Variants in PFKM observed in about 807,000 individuals in gnomAD.
PFKM encodes the protein phosphofructokinase, muscle.
PFKM carries 58 observed loss-of-function variants against 95.5 expected under a neutral mutation model. The ratio of observed to expected loss-of-function variants is 0.61; its 90% CI spans 0.49 to 0.76. The LOEUF is 0.76. Ranked by LOEUF, PFKM falls within the 30% of genes least tolerant of loss-of-function variation. PFKM has a pLI of 0.00. For synonymous variants in PFKM, 336 were observed against 357.2 expected, an observed-to-expected ratio of 0.94 and a Z score of 0.67; for missense variants, 678 against 1,005.4, an observed-to-expected ratio of 0.67 and a Z score of 4.40.
rs1948419632 is a variant in PFKM, at chr12:48,122,823, G to C, written c.49G>C (p.Ala17Pro). The change falls in exon 2 of 23, where the codon GCC becomes CCC. Residue 17 changes from alanine to proline, a missense_variant. By Grantham distance (27) the Ala-to-Pro change is conservative. Coordinates refer to ENST00000359794, the MANE Select transcript of PFKM (RefSeq NM_000289.6). The stretch of plus-strand genomic sequence containing the variant: ...AGCCAAAACCCTGGGGATTGGCAAA[G>C]CCATTGCTGTCTTAACCTCTGGTGG... ...HAAKTLGIGK[A>P]IAVLTSGGDA... The C allele has an allele frequency of 6.2e-7, 1 of 1,614,042 alleles. No homozygotes were observed.
intron 8 of PFKM, 30 bp from the exon 9 acceptor site, chr12:48,134,913 T>G: frequency 6.2e-7 from 1 of 1,603,278 alleles, no homozygotes; most frequent in South Asian, 1.1e-5. Flanking sequence ...CTTCATTCCA[T>G]GGACCATTTT....
At chr12:48,135,836 T>C (rs1271625341) in intron 10 of PFKM, among the ~76,000 whole-genome samples, 1 of 152,132 alleles carries the variant, frequency 6.6e-6, no homozygotes, top group African/African-American at 2.4e-5. Flanking sequence ...TATCTCATGT[T>C]GTCCTTTTAT....
intron 3 of PFKM, among the ~76,000 whole-genome samples, chr12:48,112,265 A>G (rs1189876561): frequency 6.6e-6 from 1 of 152,194 alleles, no homozygotes; most frequent in Non-Finnish European, 1.5e-5. Context: ...AGTTTATATA[A>G]TGGTTTAGTC....
rs1003961202 is a variant in PFKM at position 48,119,401 on chromosome 12, T to C, written c.-14T>C. ...AGCAGCGGCGGAGGAGAGCTAAGAC[T>C]AAAAGGCAAGAGGGGCCATTGAGTG... On this transcript the variant is annotated 5_prime_UTR_variant, in exon 1 of 23. Transcript: ENST00000359794. 3.0e-6 allele frequency: 3 copies of C among 985,576 alleles called. No individual in the cohort carries two copies. In the African/African-American group the frequency reaches 5.3e-5, roughly 17 times the overall value. 61.1% of individuals were successfully genotyped at this position (985,576 alleles called of 1,614,324 possible).
At chr12:48,114,423 C>T (rs191185239), upstream of PFKM, among the ~76,000 whole-genome samples, 44 of 152,212 alleles carry the variant, frequency 2.9e-4, 1 homozygote, top group Admixed American at 1.3e-3. Context: ...TGGGGGAGAG[C>T]TAGTCCTAGG....
At chr12:48,119,950 CTT>C (rs1338938323) in intron 1 of PFKM, 2 of 152,108 alleles carry the variant, frequency 1.3e-5, no homozygotes, top group African/African-American at 4.8e-5. Context: ...TTAAACTCCT[CTT>C]GTTATGGCGA....
At position 48,134,876 on chromosome 12, in the gene PFKM, A is replaced by G. The variant is rs1488111830; in HGVS notation, c.747+47A>G. On this transcript the variant is annotated intron_variant, in intron 8 of 22. Coordinates refer to ENST00000359794, the MANE Select transcript of PFKM (RefSeq NM_000289.6). ...CTTAAGAAATCCCTCACCCTGTTCC[A>G]CTGATGATCTCTTTCCCACCCATCA... The G allele has an allele frequency of 4.4e-6, 7 of 1,585,978 alleles. No individual in the cohort carries two copies. The African/African-American group carries it at 9.4e-5, about 21-fold the overall frequency.
chr12:48,110,435 G>C (rs1303869794), intron 3 of PFKM, among the ~76,000 whole-genome samples: 3 of 152,116 alleles, frequency 2.0e-5, no homozygotes, highest in Admixed American at 6.5e-5. Flanking sequence ...GAGGTACGAG[G>C]GTAGTTATCT....
At position 48,141,382 on chromosome 12, in the gene PFKM, G is replaced by A. The variant is rs1950563032; in HGVS notation, c.1412+1G>A. 1 of 1,613,602 alleles carries A rather than the reference G, an allele frequency of 6.2e-7. No homozygotes were observed. The highest frequency in any genetic ancestry group is 8.5e-7 in the Non-Finnish European group (1 of 1,179,504). On this transcript the variant is annotated splice_donor_variant, in intron 15 of 22. Transcript: ENST00000359794. LOFTEE classifies it high-confidence loss of function. ...GTGGCTCTAAACTTGGGACTAAAAG[G>A]TAAGTAGCACTGCAGAGGCACCTCC...
rs374834157 is a variant in PFKM at position 48,135,319 on chromosome 12, C to G, written c.872C>G (p.Thr291Ser). ...NLVVKRLGYD[T>S]RVTVLGHVQR... ...GTGGTTAAGCGTCTGGGATATGACA[C>G]CCGGGTTACTGTCTTGGGGCATGTG... Residue 291 changes from threonine to serine, a missense_variant, in exon 10 of 23, where the codon ACC (threonine) becomes AGC (serine). By Grantham distance (58) the Thr-to-Ser change is moderately conservative. Coordinates refer to ENST00000359794, the MANE Select transcript of PFKM (RefSeq NM_000289.6). The G allele has an allele frequency of 6.0e-5, 97 of 1,614,026 alleles. No homozygotes were observed. The highest frequency in any genetic ancestry group is 8.0e-5 in the Non-Finnish European group (94 of 1,179,990).
At chr12:48,133,505 G>A in intron 6 of PFKM, 25 bp downstream of exon 6, 1 of 1,608,736 alleles carries the variant, frequency 6.2e-7, no homozygotes, top group Non-Finnish European at 8.5e-7. Flanking sequence ...GAGGTAGGCA[G>A]TGTAAGAAGA....
At chr12:48,122,690 A>G in intron 1 of PFKM, 77 bp from the exon 2 acceptor site, 8 of 1,604,162 alleles carry the variant, frequency 5.0e-6, no homozygotes, top group Non-Finnish European at 6.8e-6. Flanking sequence ...GGCTCTAGCC[A>G]GTCTAATTGC....
chr12:48,144,024 G>C, intron 19 of PFKM, 22 bp from the exon 20 acceptor site: 1 of 1,532,738 alleles, frequency 6.5e-7, no homozygotes, highest in Non-Finnish European at 9.0e-7. Context: ...AGAGTCACAG[G>C]CTTTTGGTCT....
intron 2 of PFKM, among the ~76,000 whole-genome samples, chr12:48,127,775 A>G (rs1329782554): frequency 1.3e-5 from 2 of 152,202 alleles, no homozygotes; most frequent in Non-Finnish European, 2.9e-5. Flanking sequence ...TCTTTGTTGT[A>G]TGCAACTTTT....
intron 11 of PFKM, among the ~76,000 whole-genome samples, chr12:48,138,828 G>A (rs1421165819): frequency 6.6e-6 from 1 of 152,154 alleles, no homozygotes; most frequent in Non-Finnish European, 1.5e-5. Flanking sequence ...GCCGAGGCAG[G>A]CAGATCACAA....
intron 4 of PFKM, chr12:48,132,100 C>G: frequency 2.2e-6 from 1 of 455,618 alleles, no homozygotes; most frequent in South Asian, 1.6e-5. Context: ...AGTAATGGTG[C>G]CTGCCATAAA....
At chr12:48,111,953 T>G (rs1027918015) in intron 3 of PFKM, among the ~76,000 whole-genome samples, 2 of 151,984 alleles carry the variant, frequency 1.3e-5, no homozygotes, top group Non-Finnish European at 2.9e-5. Flanking sequence ...GAGTTGAGCA[T>G]AGTTTGTGAT....
At chr12:48,125,769 T>C (rs996991225) in intron 2 of PFKM, among the ~76,000 whole-genome samples, 1 of 152,170 alleles carries the variant, frequency 6.6e-6, no homozygotes, top group Non-Finnish European at 1.5e-5. Context: ...CTTTTCTATT[T>C]TTAAAGGTTC....
At chr12:48,119,197 A>AG (rs1947933230), upstream of PFKM, 1 of 790,346 alleles carries the variant, frequency 1.3e-6, no homozygotes, top group East Asian at 1.3e-4. Context: ...CTGAGTACTT[A>AG]GGGGGAGGAG....
Sources: gnomAD v4.1 joint callset for allele counts (sites outside exome capture counted in the v4.1 genomes callset) on GRCh38, gnomAD v4.1.1 for gene constraint, MANE v1.5 for transcripts, NCBI Gene and HGNC (gene_info 2026-07-23, HGNC 2026-07-21) for gene names.